SUSD6: variants seen among roughly 807,000 people sequenced by gnomAD.
SUSD6 encodes the protein sushi domain-containing protein 6.
SUSD6 carries 16 observed loss-of-function variants against 28.4 expected under a neutral mutation model. The observed-to-expected ratio is 0.56, with a 90% CI of 0.38 to 0.86. The LOEUF (loss-of-function observed/expected upper bound fraction) is 0.86. Among genes scored for constraint, SUSD6 ranks in the 40% least tolerant of loss-of-function variants. The pLI is 0.00. For missense variants in SUSD6, 341 were observed against 384.2 expected (o/e 0.89, Z 0.94); for synonymous variants, 147 against 159.6 (o/e 0.92, Z 0.59).
At chr14:69,634,677 A>G (rs182380812) in intron 1 of SUSD6, among the ~76,000 whole-genome samples, 11 of 152,370 alleles carry the variant, frequency 7.2e-5, no homozygotes, top group African/African-American at 2.4e-4. Context: ...GTGTGGTTGC[A>G]AAGGCAAAAC....
At chr14:69,702,462 C>T (rs1886326320) in intron 2 of SUSD6, among the ~76,000 whole-genome samples, 1 of 152,206 alleles carries the variant, frequency 6.6e-6, no homozygotes, top group Admixed American at 6.5e-5. Context: ...ACCATTACTG[C>T]AACTTACCAG....
chr14:69,702,703 G>A (rs1344698934), intron 2 of SUSD6, among the ~76,000 whole-genome samples: 1 of 152,232 alleles, frequency 6.6e-6, no homozygotes, highest in African/African-American at 2.4e-5. Flanking sequence ...CTTAACTTTT[G>A]TGGCCCTCAG....
chr14:69,637,982 G>GC (rs1885289572), intron 1 of SUSD6, among the ~76,000 whole-genome samples: 1 of 152,024 alleles, frequency 6.6e-6, no homozygotes, highest in Non-Finnish European at 1.5e-5. Context: ...TCCAGCTGCT[G>GC]CCCCCCACCA....
chr14:69,614,289 A>T (rs1884926510), intron 1 of SUSD6, among the ~76,000 whole-genome samples: 1 of 152,196 alleles, frequency 6.6e-6, no homozygotes, highest in East Asian at 1.9e-4. Context: ...CTGGTCTCGA[A>T]CGCCTGACCT....
At chr14:69,682,666 AT>A (rs1173267336) in intron 2 of SUSD6, among the ~76,000 whole-genome samples, 3 of 152,174 alleles carry the variant, frequency 2.0e-5, no homozygotes, top group African/African-American at 7.2e-5. Flanking sequence ...TTTTCCCCTA[AT>A]TTTTTATAAT....
At chr14:69,692,568 TG>T (rs1886168270) in intron 2 of SUSD6, among the ~76,000 whole-genome samples, 1 of 152,326 alleles carries the variant, frequency 6.6e-6, no homozygotes, top group African/African-American at 2.4e-5. Context: ...ACCAGTGCAG[TG>T]CCTGGTGATA....
chr14:69,641,076 C>T (rs1024827984), intron 1 of SUSD6, among the ~76,000 whole-genome samples: 3 of 152,222 alleles, frequency 2.0e-5, no homozygotes, highest in African/African-American at 7.2e-5. Context: ...GGAATGGAGC[C>T]TCCATTGCCT....
chr14:69,667,020 T>G (rs954900592), intron 2 of SUSD6, among the ~76,000 whole-genome samples: 8 of 152,222 alleles, frequency 5.3e-5, no homozygotes, highest in African/African-American at 1.9e-4. Context: ...TAGACACATG[T>G]CTCCTTGGGA....
chr14:69,622,414 T>C (rs533852853), intron 1 of SUSD6, among the ~76,000 whole-genome samples: 8 of 152,238 alleles, frequency 5.3e-5, no homozygotes, highest in Non-Finnish European at 1.5e-5. Context: ...GTGATCCGCC[T>C]GCCTCAGCCT....
chr14:69,670,455 A>G (rs1334144349), intron 2 of SUSD6: 1 of 456,634 alleles, frequency 2.2e-6, no homozygotes, highest in African/African-American at 2.0e-5. Context: ...CTCAGCTTGA[A>G]TTGGTCATGG....
chr14:69,632,441 C>T (rs546887749), intron 1 of SUSD6, among the ~76,000 whole-genome samples: 1 of 152,208 alleles, frequency 6.6e-6, no homozygotes, highest in Non-Finnish European at 1.5e-5. Flanking sequence ...GAGAACACTT[C>T]CCTCGTGGCT....
chr14:69,655,638 A>C (rs1439890912), intron 1 of SUSD6, among the ~76,000 whole-genome samples: 1 of 151,642 alleles, frequency 6.6e-6, no homozygotes, highest in Admixed American at 6.6e-5. Flanking sequence ...CTCTCTTTAA[A>C]AGAAAAAAAA....
intron 1 of SUSD6, among the ~76,000 whole-genome samples, chr14:69,645,537 G>A (rs1429451488): frequency 6.6e-6 from 1 of 152,188 alleles, no homozygotes; most frequent in Non-Finnish European, 1.5e-5. Flanking sequence ...ACAGAGTGTG[G>A]AAGTGTTAGT....
At chr14:69,637,521 C>T (rs1885282817) in intron 1 of SUSD6, among the ~76,000 whole-genome samples, 1 of 152,222 alleles carries the variant, frequency 6.6e-6, no homozygotes, top group Admixed American at 6.5e-5. Flanking sequence ...CACCCTTACC[C>T]TGCCTAAGGC....
intron 1 of SUSD6, among the ~76,000 whole-genome samples, chr14:69,647,082 C>CA (rs1437580299): frequency 6.6e-6 from 1 of 152,160 alleles, no homozygotes; most frequent in East Asian, 1.9e-4. Flanking sequence ...ACATCACAGG[C>CA]ACTGAATGAA....
chr14:69,625,089 T>TA lies in SUSD6; in HGVS notation c.-81+13262dup, dbSNP rs1279816623. ...AATGGCAGTTTGGGGAAGTATTAAT[T>TA]AGTGGCTGACCCTTTTGTAGTGTTA... On this transcript the variant is annotated intron_variant, in intron 1 of 5. Transcript: ENST00000342745. Among the ~76,000 whole-genome samples, 5 of 152,330 alleles carry TA rather than the reference T, an allele frequency of 3.3e-5. No homozygotes were observed. In the East Asian group the frequency reaches 9.6e-4, roughly 29 times the overall value.
chr14:69,636,310 G>GC (rs1225185452), intron 1 of SUSD6, among the ~76,000 whole-genome samples: 1 of 152,196 alleles, frequency 6.6e-6, no homozygotes, highest in East Asian at 1.9e-4. Flanking sequence ...AATTCCAGTG[G>GC]CTCAGACCCC....
intron 1 of SUSD6, among the ~76,000 whole-genome samples, chr14:69,620,809 C>T (rs1389275423): frequency 6.6e-6 from 1 of 151,984 alleles, no homozygotes; most frequent in Non-Finnish European, 1.5e-5. Flanking sequence ...GTTTTCAGAC[C>T]TTGACATATC....
intron 1 of SUSD6, among the ~76,000 whole-genome samples, chr14:69,643,483 G>C (rs770170838): frequency 3.3e-5 from 5 of 152,224 alleles, no homozygotes; most frequent in Non-Finnish European, 7.3e-5. Context: ...TCTAGCAGAA[G>C]ATTCTGTGCA....
Sources: allele counts gnomAD v4.1 joint callset (sites outside exome capture counted in the v4.1 genomes callset), GRCh38; gene constraint gnomAD v4.1.1; transcripts MANE v1.5; gene names NCBI Gene and HGNC (gene_info 2026-07-23, HGNC 2026-07-21).